The following PPP6C variants were observed in gnomAD, a reference collection of about 807,000 sequenced individuals.
The protein encoded by PPP6C is serine/threonine-protein phosphatase 6 catalytic subunit.
Under a neutral mutation model 39.8 loss-of-function variants are expected in PPP6C, and 11 were observed. That is an observed-to-expected ratio of 0.28 (90% CI 0.17 to 0.46). The LOEUF (loss-of-function observed/expected upper bound fraction) is 0.46, where lower values mean the gene tolerates loss of function less well. PPP6C is among the 20% of genes least tolerant of loss of function. The pLI is 1.00. For synonymous variants in PPP6C, 129 were observed against 130.3 expected, an observed-to-expected ratio of 0.99 and a Z score of 0.07; for missense variants, 211 against 373.9, an observed-to-expected ratio of 0.56 and a Z score of 3.59.
At chr9:125,181,379 G>C (rs1829418890) in intron 1 of PPP6C, among the ~76,000 whole-genome samples, 1 of 151,928 alleles carries the variant, frequency 6.6e-6, no homozygotes, top group Non-Finnish European at 1.5e-5. Flanking sequence ...CACATGTGCA[G>C]AACGTGCAGG....
At chr9:125,169,527 A>C (rs1829096251) in intron 2 of PPP6C, among the ~76,000 whole-genome samples, 1 of 152,236 alleles carries the variant, frequency 6.6e-6, no homozygotes, top group African/African-American at 2.4e-5. Flanking sequence ...GTTTTCAGGA[A>C]TGTGTTAAGA....
chr9:125,167,745 G>C (rs902715248), intron 2 of PPP6C, among the ~76,000 whole-genome samples: 31 of 147,608 alleles, frequency 2.1e-4, no homozygotes, highest in African/African-American at 7.5e-4. Context: ...GGGAGTCTCA[G>C]GCCGGACGCA....
At chr9:125,150,698 GA>G in intron 6 of PPP6C, 1 of 892,792 alleles carries the variant, frequency 1.1e-6, no homozygotes, top group South Asian at 1.3e-5. Context: ...GCTTATCTCA[GA>G]AAACTGCCGA....
chr9:125,150,176 T>C (rs976338262), intron 6 of PPP6C, among the ~76,000 whole-genome samples: 30 of 152,222 alleles, frequency 2.0e-4, no homozygotes, highest in African/African-American at 6.3e-4. Context: ...CAATAGGTAC[T>C]ATGAAACAAA....
Position 125,157,032 on chromosome 9 carries a change from C to T in PPP6C, c.379+1209G>A, listed in dbSNP as rs533369227. ...TCTAGGGTACATGTGCACAACGTGT[C>T]GGTCTTTTACATATGTATACATGTG... On this transcript the variant is annotated intron_variant, in intron 4 of 6. Coordinates refer to ENST00000373547, the MANE Select transcript of PPP6C (RefSeq NM_002721.5). 3.3e-5 allele frequency among the ~76,000 whole-genome samples: 5 copies of T among 152,078 alleles called. 1 individual carries two copies. Among genetic ancestry groups the T allele is most frequent in the African/African-American group, 7.2e-5 (3 of 41,494 alleles).
intron 4 of PPP6C, among the ~76,000 whole-genome samples, chr9:125,157,696 G>GTTT (rs11375288): frequency 1.4e-4 from 20 of 139,996 alleles, no homozygotes; most frequent in Admixed American, 2.2e-4. Flanking sequence ...TTTTTTTTTG[G>GTTT]TTTTTTTTTT....
At chr9:125,178,117 T>C (rs758336974) in intron 1 of PPP6C, among the ~76,000 whole-genome samples, 2 of 152,250 alleles carry the variant, frequency 1.3e-5, no homozygotes, top group African/African-American at 2.4e-5. Context: ...TAAAAATCTA[T>C]GTACAGGTTT....
At chr9:125,185,809 A>C (rs982308211) in intron 1 of PPP6C, among the ~76,000 whole-genome samples, 6 of 151,596 alleles carry the variant, frequency 4.0e-5, no homozygotes, top group Non-Finnish European at 5.9e-5. Context: ...ACATGGGGAA[A>C]CCTGGTCTCT....
rs1828875953 is a variant in PPP6C at position 125,161,499 on chromosome 9, A to AGT, written c.172-595_172-594dup. On this transcript the variant is annotated intron_variant, in intron 2 of 6. Coordinates refer to ENST00000373547, the MANE Select transcript of PPP6C (RefSeq NM_002721.5). ...GGCTCTGTTACCCAGGCCGGAATGC[A>AGT]GTGGTGCAATCATAACTCACTGCAG... Among the ~76,000 whole-genome samples, 5 of 152,296 alleles carry AGT rather than the reference A, an allele frequency of 3.3e-5. No individual in the cohort carries two copies. The Middle Eastern group carries it at 0.017, about 518-fold the overall frequency.
chr9:125,167,403 AT>A (rs367581781), intron 2 of PPP6C, among the ~76,000 whole-genome samples: 3,068 of 131,090 alleles, frequency 0.023, 198 homozygotes, highest in Non-Finnish European at 0.034. Context: ...AAAAAAAGAA[AT>A]AAAAAAAAGG....
chr9:125,165,638 A>G (rs1828995793), intron 2 of PPP6C, among the ~76,000 whole-genome samples: 1 of 152,154 alleles, frequency 6.6e-6, no homozygotes, highest in Admixed American at 6.6e-5. Context: ...CAGCTTCACA[A>G]AGATATGCAG....
chr9:125,151,168 A>G (rs1461120708), intron 6 of PPP6C: 11 of 1,478,088 alleles, frequency 7.4e-6, no homozygotes, highest in Non-Finnish European at 1.0e-5. Context: ...TGGTGGAGCT[A>G]AGAGAGTGAC....
chr9:125,165,323 C>T (rs1198655226), intron 2 of PPP6C, among the ~76,000 whole-genome samples: 4 of 151,908 alleles, frequency 2.6e-5, no homozygotes, highest in East Asian at 1.9e-4. Flanking sequence ...CGCTTGAACC[C>T]GGGAGGCAGA....
intron 1 of PPP6C, among the ~76,000 whole-genome samples, chr9:125,174,209 A>T (rs1829244558): frequency 6.8e-6 from 1 of 147,712 alleles, no homozygotes; most frequent in Non-Finnish European, 1.5e-5. Flanking sequence ...TTAAACATTA[A>T]TTAAGGAATC....
chr9:125,184,778 G>A (rs1024955044), intron 1 of PPP6C, among the ~76,000 whole-genome samples: 4 of 151,838 alleles, frequency 2.6e-5, no homozygotes, highest in African/African-American at 9.7e-5. Context: ...TTCGAGACCA[G>A]CCTGGCCAAC....
chr9:125,162,089 AC>A (rs1476798840), intron 2 of PPP6C, among the ~76,000 whole-genome samples: 2,268 of 150,868 alleles, frequency 0.015, 103 homozygotes, highest in East Asian at 0.085. Context: ...AAAAAGTCAG[AC>A]AAAAAAAAAA....
chr9:125,150,386 T>C (rs1835905007), intron 6 of PPP6C, among the ~76,000 whole-genome samples: 1 of 151,996 alleles, frequency 6.6e-6, no homozygotes, highest in Non-Finnish European at 1.5e-5. Flanking sequence ...GTTTTTTGAC[T>C]TCATTATGAT....
In PPP6C at chr9:125,189,751, G is replaced by C. The variant is rs781780128; in HGVS notation, c.-33C>G. The stretch of plus-strand genomic sequence containing the variant: ...ATAACAAGCCGCGGCAACAGCGGCG[G>C]CGGCGGCTGTAGCAGCGGCGGCGGC... On this transcript the variant is annotated 5_prime_UTR_variant, in exon 1 of 7. Transcript: ENST00000373547. 3.8e-6 allele frequency: 6 copies of C among 1,560,586 alleles called. No homozygotes were observed. In the African/African-American group the frequency reaches 7.1e-5, roughly 19 times the overall value.
intron 2 of PPP6C, among the ~76,000 whole-genome samples, chr9:125,161,333 T>C (rs1462460087): frequency 6.6e-6 from 1 of 152,202 alleles, no homozygotes; most frequent in Non-Finnish European, 1.5e-5. Context: ...ACTCCAGTGT[T>C]ATACAGAGAT....
Sources: allele counts gnomAD v4.1 joint callset (sites outside exome capture counted in the v4.1 genomes callset), GRCh38; gene constraint gnomAD v4.1.1; transcripts MANE v1.5; gene names NCBI Gene and HGNC (gene_info 2026-07-23, HGNC 2026-07-21).